Variants in FBXL17 observed in about 807,000 individuals in gnomAD.
FBXL17 encodes F-box and leucine rich repeat protein 17.
FBXL17 carries 22 observed loss-of-function variants against 66.2 expected under a neutral mutation model. The observed-to-expected ratio is 0.33, with a 90% CI of 0.24 to 0.47. FBXL17 has a LOEUF of 0.47. Ranked by LOEUF, FBXL17 falls within the 20% of genes least tolerant of loss-of-function variation. The pLI is 1.00. For missense variants in FBXL17, 878 were observed against 948.2 expected (o/e 0.93, Z 0.97); for synonymous variants, 474 against 400.5 (o/e 1.18, Z -2.19).
chr5:108,312,494 C>T (rs77291002), intron 4 of FBXL17, among the ~76,000 whole-genome samples: 3,742 of 151,862 alleles, frequency 0.025, 149 homozygotes, highest in African/African-American at 0.085. Context: ...TTTAAGCAGC[C>T]ACACATGTTA....
intron 6 of FBXL17, among the ~76,000 whole-genome samples, chr5:108,178,400 A>G (rs2150024116): frequency 6.6e-6 from 1 of 152,220 alleles, no homozygotes; most frequent in South Asian, 2.1e-4. Flanking sequence ...CTCCAATATC[A>G]AACTATCTTT....
At chr5:108,225,473 G>A (rs937785738) in intron 4 of FBXL17, among the ~76,000 whole-genome samples, 8 of 152,092 alleles carry the variant, frequency 5.3e-5, no homozygotes, top group Admixed American at 1.3e-4. Flanking sequence ...TATAACTGGC[G>A]GAGCAGAGAT....
At chr5:108,238,490 T>A (rs1755705266) in intron 4 of FBXL17, among the ~76,000 whole-genome samples, 1 of 152,166 alleles carries the variant, frequency 6.6e-6, no homozygotes, top group Non-Finnish European at 1.5e-5. Flanking sequence ...CATTAGTCAA[T>A]GAATTGTGAC....
At chr5:107,901,071 G>T (rs1170449869) in intron 7 of FBXL17, among the ~76,000 whole-genome samples, 2 of 152,160 alleles carry the variant, frequency 1.3e-5, no homozygotes, top group African/African-American at 4.8e-5. Context: ...AATGAAGCAT[G>T]ATCTAGTGTT....
chr5:107,887,083 G>A (rs1748997337), intron 7 of FBXL17, among the ~76,000 whole-genome samples: 1 of 152,274 alleles, frequency 6.6e-6, no homozygotes, highest in African/African-American at 2.4e-5. Context: ...TTGTTTCAGT[G>A]TTAATTTCCT....
intron 6 of FBXL17, among the ~76,000 whole-genome samples, chr5:108,052,638 A>G (rs1455355071): frequency 1.3e-5 from 2 of 152,214 alleles, no homozygotes; most frequent in Non-Finnish European, 2.9e-5. Context: ...TAATTTATAG[A>G]TTCAATGTTA....
chr5:108,047,688 C>T (rs571520797), intron 6 of FBXL17, among the ~76,000 whole-genome samples: 6 of 152,276 alleles, frequency 3.9e-5, no homozygotes, highest in African/African-American at 1.4e-4. Context: ...GCGGCCAGAG[C>T]ACCTCTTCAG....
In FBXL17 at chr5:107,966,789, T is replaced by C. The variant is rs560103995; in HGVS notation, c.1822+54136A>G. Among the ~76,000 whole-genome samples the C allele has an allele frequency of 2.0e-5, 3 of 152,272 alleles. No homozygotes were observed. The South Asian group carries it at 6.2e-4, about 32-fold the overall frequency. ...ACTATCACCACATCTAGTTCCCAAATTCCCCATCATTATGAACATTTTTTT... is the reference window on the plus strand; with the variant it reads ...ACTATCACCACATCTAGTTCCCAAACTCCCCATCATTATGAACATTTTTTT... On this transcript the variant is annotated intron_variant, in intron 7 of 8. Transcript: ENST00000542267.
intron 5 of FBXL17, among the ~76,000 whole-genome samples, chr5:108,214,275 C>G (rs2966811): frequency 0.12 from 18,094 of 151,590 alleles, 1,354 homozygotes; most frequent in Admixed American, 0.16. Flanking sequence ...ATATATCCCA[C>G]GAGGATAAGG....
intron 1 of FBXL17, among the ~76,000 whole-genome samples, chr5:108,368,780 G>C (rs565864918): frequency 1.6e-4 from 24 of 152,144 alleles, no homozygotes; most frequent in African/African-American, 2.6e-4. Context: ...AAAATCAGGG[G>C]AAGTAAACAA....
intron 4 of FBXL17, among the ~76,000 whole-genome samples, chr5:108,269,696 C>T (rs995227277): frequency 6.6e-6 from 1 of 151,972 alleles, no homozygotes; most frequent in Non-Finnish European, 1.5e-5. Context: ...AATATATCAC[C>T]TAGACAGATT....
rs188735622 is a variant in FBXL17, at chr5:108,376,337, C to A, written c.993+4362G>T. On this transcript the variant is annotated intron_variant, in intron 1 of 8. Transcript: ENST00000542267. ...GATTGGGGAGCTGGAATTAAAACAT[C>A]CTCTATTCACAGATGTCATGGTCTT... 1.3e-3 allele frequency among the ~76,000 whole-genome samples: 195 copies of A among 152,248 alleles called. 1 individual carries two copies. The highest frequency in any genetic ancestry group is 7.5e-4 in the Non-Finnish European group (51 of 68,008).
At chr5:108,318,084 A>G (rs1561526082) in intron 4 of FBXL17, among the ~76,000 whole-genome samples, 1 of 151,696 alleles carries the variant, frequency 6.6e-6, no homozygotes, top group South Asian at 2.1e-4. Context: ...AACTATAAAC[A>G]TTTTTCCTTC....
At chr5:107,865,525 G>A (rs28694038) in intron 8 of FBXL17, among the ~76,000 whole-genome samples, 41,319 of 152,040 alleles carry the variant, frequency 0.27, 7,400 homozygotes, top group African/African-American at 0.5. Context: ...GAATACAGAT[G>A]ATGATGTGTT....
intron 6 of FBXL17, among the ~76,000 whole-genome samples, chr5:108,049,018 TA>T (rs1747368351): frequency 6.6e-6 from 1 of 151,770 alleles, no homozygotes; most frequent in African/African-American, 2.4e-5. Context: ...AAGGTTGAAA[TA>T]AAGGAAAAAA....
intron 6 of FBXL17, among the ~76,000 whole-genome samples, chr5:108,118,278 C>T (rs1750342512): frequency 6.6e-6 from 1 of 152,174 alleles, no homozygotes; most frequent in African/African-American, 2.4e-5. Flanking sequence ...TAAGGGACAT[C>T]CCTGCCTGGT....
At chr5:108,097,747 C>A (rs1408632068) in intron 6 of FBXL17, among the ~76,000 whole-genome samples, 1 of 150,084 alleles carries the variant, frequency 6.7e-6, no homozygotes, top group Non-Finnish European at 1.5e-5. Context: ...AAAGATCATG[C>A]CACCGTACTC....
chr5:108,132,107 T>G (rs182288), intron 6 of FBXL17, among the ~76,000 whole-genome samples: 99,626 of 151,782 alleles, frequency 0.66, 33,643 homozygotes, highest in East Asian at 0.92. Flanking sequence ...CTCCCTAGTA[T>G]CTGGGATTAC....
At chr5:108,260,489 T>C (rs750614226) in intron 4 of FBXL17, among the ~76,000 whole-genome samples, 3 of 152,082 alleles carry the variant, frequency 2.0e-5, no homozygotes, top group Non-Finnish European at 2.9e-5. Flanking sequence ...TGTAACATAA[T>C]GGGCTTCCCC....
Sources: allele counts gnomAD v4.1 joint callset (sites outside exome capture counted in the v4.1 genomes callset), GRCh38; gene constraint gnomAD v4.1.1; transcripts MANE v1.5; gene names NCBI Gene and HGNC (gene_info 2026-07-23, HGNC 2026-07-21).